The following HM13 variants were observed in gnomAD, a reference collection of about 807,000 sequenced individuals.
HM13 encodes the protein signal peptide peptidase.
In HM13, 18 loss-of-function variants were observed where a neutral mutation model predicts 50.0. The observed-to-expected ratio is 0.36, with a 90% confidence interval of 0.25 to 0.53. The LOEUF (loss-of-function observed/expected upper bound fraction) is 0.53, where lower values mean the gene tolerates loss of function less well. Ranked by LOEUF, HM13 falls within the 20% of genes least tolerant of loss-of-function variation. The pLI is 0.90. For synonymous variants in HM13, 197 were observed against 232.6 expected (o/e 0.85, Z 1.39); for missense variants, 393 against 552.4 (o/e 0.71, Z 2.89).
Position 31,520,460 on chromosome 20 carries a change from C to T in HM13, c.183+5726C>T, listed in dbSNP as rs113295849. Among the ~76,000 whole-genome samples the T allele has an allele frequency of 8.5e-4, 130 of 152,058 alleles. 1 individual carries two copies. Among genetic ancestry groups the T allele is most frequent in the Middle Eastern group, 6.8e-3 (2 of 294 alleles). On this transcript the variant is annotated intron_variant, in intron 1 of 12. Coordinates refer to ENST00000398174, the MANE Select transcript of HM13 (RefSeq NM_178581.3). ...CTGGAATTACAGGCGCGTGCCACTACGCCTGGCTAATTTTTATATTTTTAG... is the reference window on the plus strand; with the variant it reads ...CTGGAATTACAGGCGCGTGCCACTATGCCTGGCTAATTTTTATATTTTTAG...
intron 6 of HM13, 113 bp downstream of exon 6, chr20:31,549,445 G>A: frequency 1.4e-6 from 2 of 1,384,730 alleles, no homozygotes; most frequent in Non-Finnish European, 2.0e-6. Context: ...GTTTTGGGCT[G>A]AAGTTCCGGA....
chr20:31,530,135 A>C (rs1399253867), intron 2 of HM13, among the ~76,000 whole-genome samples: 2 of 152,096 alleles, frequency 1.3e-5, no homozygotes, highest in Non-Finnish European at 2.9e-5. Flanking sequence ...TTCATAGGTA[A>C]ATAAATAAAC....
intron 2 of HM13, among the ~76,000 whole-genome samples, chr20:31,536,317 C>G (rs1357056812): frequency 6.6e-6 from 1 of 152,114 alleles, no homozygotes; most frequent in African/African-American, 2.4e-5. Context: ...GAGCCAAGAT[C>G]GCACCATTGC....
intron 10 of HM13, 28 bp from the exon 11 acceptor site, chr20:31,566,182 G>A: frequency 1.9e-6 from 3 of 1,593,746 alleles, no homozygotes; most frequent in Non-Finnish European, 2.6e-6. Flanking sequence ...TGCCCAGCAT[G>A]GCTTCACCAG....
chr20:31,530,479 C>G (rs2122567840), intron 2 of HM13, among the ~76,000 whole-genome samples: 1 of 151,422 alleles, frequency 6.6e-6, no homozygotes, highest in South Asian at 2.1e-4. Flanking sequence ...CGTGCGATCT[C>G]AGCTCAATGC....
rs1459213529 is a variant in HM13, at chr20:31,514,856, A to T, written c.183+122A>T. On this transcript the variant is annotated intron_variant, in intron 1 of 12. Transcript: ENST00000398174. The surrounding 1 kb of genome is among the most constrained non-coding windows in gnomAD (Gnocchi z 4.3). The stretch of plus-strand genomic sequence containing the variant: ...CTGACTCTTCCCAGCCCTGATCACC[A>T]CCGTTCCCTCTGTCTCGGGCCCACA... 1 of 989,968 alleles carries T rather than the reference A, an allele frequency of 1.0e-6. No homozygotes were observed. The highest frequency in any genetic ancestry group is 1.4e-6 in the Non-Finnish European group (1 of 709,136). 61.3% of individuals were successfully genotyped at this position (989,968 alleles called of 1,614,324 possible). A position where few individuals can be genotyped will look rare whatever the true frequency, so the allele number is the denominator to read the frequency against.
At chr20:31,555,185 T>TCACACA (rs1288330211) in intron 8 of HM13, among the ~76,000 whole-genome samples, 1 of 152,142 alleles carries the variant, frequency 6.6e-6, no homozygotes, top group South Asian at 2.1e-4. Context: ...TGGACCCCTG[T>TCACACA]CACACACACC....
At chr20:31,539,440 G>A (rs1463602597) in intron 3 of HM13, 1 of 985,446 alleles carries the variant, frequency 1.0e-6, no homozygotes, top group Non-Finnish European at 1.2e-6. Context: ...GGAGGGAGAG[G>A]TCAGGTGCTA....
chr20:31,558,155 CTTTCTT>C (rs943075921), intron 8 of HM13, among the ~76,000 whole-genome samples: 1 of 152,264 alleles, frequency 6.6e-6, no homozygotes, highest in East Asian at 1.9e-4. Context: ...CGGGATGTCT[CTTTCTT>C]TTTCTTTTTT....
chr20:31,566,024 C>T (rs144338846), intron 10 of HM13, 186 bp from the exon 11 acceptor site: 117 of 486,936 alleles, frequency 2.4e-4, no homozygotes, highest in African/African-American at 2.2e-3. Flanking sequence ...CTTGCATTCC[C>T]TCTCGGGAGG....
intron 2 of HM13, among the ~76,000 whole-genome samples, chr20:31,530,488 G>A (rs1255000942): frequency 2.6e-5 from 4 of 151,188 alleles, no homozygotes; most frequent in Admixed American, 2.6e-4. Context: ...TCAGCTCAAT[G>A]CAACCTCCGC....
chr20:31,561,703 C>A lies in HM13; in HGVS notation c.915C>A (p.Thr305=). Residue 305 remains threonine, a synonymous_variant, in exon 10 of 13, where the codon ACC becomes ACA. Transcript: ENST00000398174. ...FAAYIFGLGL[T]IFIMHIFKHA... Reference sequence around the variant, plus strand: ...CCTACATCTTCGGCCTGGGCCTTACCATCTTCATCATGCACATCTTCAAGC... The same window carrying A: ...CCTACATCTTCGGCCTGGGCCTTACAATCTTCATCATGCACATCTTCAAGC... 6.2e-7 allele frequency: 1 copy of A among 1,613,304 alleles called. No individual in the cohort carries two copies. The highest frequency in any genetic ancestry group is 1.1e-5 in the South Asian group (1 of 91,058).
intron 10 of HM13, 39 bp from the exon 11 acceptor site, chr20:31,566,171 G>A (rs367546109): frequency 3.1e-5 from 47 of 1,539,850 alleles, no homozygotes; most frequent in African/African-American, 2.3e-4. Flanking sequence ...AGGCAGTGCC[G>A]TGCCCAGCAT....
intron 1 of HM13, among the ~76,000 whole-genome samples, chr20:31,521,409 C>T (rs1982149007): frequency 6.6e-6 from 1 of 152,108 alleles, no homozygotes; most frequent in Admixed American, 6.6e-5. Flanking sequence ...ACCTCCGCTT[C>T]CTCATCTGTA....
chr20:31,532,190 GC>G (rs1982857937), intron 2 of HM13, among the ~76,000 whole-genome samples: 1 of 152,046 alleles, frequency 6.6e-6, no homozygotes, highest in African/African-American at 2.4e-5. Context: ...ACTTTGGGAG[GC>G]CAAGGAGGGT....
At chr20:31,543,922 A>G (rs1983583021) in intron 3 of HM13, among the ~76,000 whole-genome samples, 1 of 151,728 alleles carries the variant, frequency 6.6e-6, no homozygotes, top group African/African-American at 2.4e-5. Flanking sequence ...CGACAGAGTG[A>G]GACTCCATCT....
At chr20:31,541,270 C>T (rs1301113264) in intron 3 of HM13, 1 of 152,060 alleles carries the variant, frequency 6.6e-6, no homozygotes, top group African/African-American at 2.4e-5. Flanking sequence ...CACCTGAGCT[C>T]AGGAGTTCAA....
chr20:31,555,692 G>C (rs914296376), intron 8 of HM13, among the ~76,000 whole-genome samples: 2 of 152,072 alleles, frequency 1.3e-5, no homozygotes, highest in Admixed American at 1.3e-4. Flanking sequence ...GTTTTAGCTG[G>C]GCACAGTGGC....
intron 2 of HM13, among the ~76,000 whole-genome samples, chr20:31,534,782 G>A (rs1286072141): frequency 2.7e-5 from 4 of 149,928 alleles, no homozygotes; most frequent in South Asian, 2.1e-4. Context: ...ACCCTGTTTC[G>A]AAAGAAAAAA....
Sources: gnomAD v4.1 joint callset for allele counts (sites outside exome capture counted in the v4.1 genomes callset) on GRCh38, gnomAD v4.1.1 for gene constraint, Gnocchi (gnomAD v3.1) non-coding constraint, MANE v1.5 for transcripts, NCBI Gene and HGNC (gene_info 2026-07-23, HGNC 2026-07-21) for gene names.